Variants in RASEF observed in about 807,000 individuals in gnomAD.
RASEF encodes the protein ras and EF-hand domain-containing protein.
Under a neutral mutation model 90.1 loss-of-function variants are expected in RASEF, and 68 were observed. The observed-to-expected ratio is 0.75, with a 90% CI of 0.62 to 0.92. The LOEUF (loss-of-function observed/expected upper bound fraction) is 0.92, where lower values mean the gene tolerates loss of function less well. Ranked by LOEUF, RASEF falls within the 40% of genes least tolerant of loss-of-function variation. The probability of loss-of-function intolerance (pLI) is 0.00; values close to 1 mark genes in which losing one functional copy is unlikely to be tolerated. For synonymous variants in RASEF, 331 were observed against 345.2 expected (o/e 0.96, Z 0.46); for missense variants, 949 against 937.2 (o/e 1.01, Z -0.16).
the RASEF span, chr9:83,200,851 T>A: frequency 6.6e-6 from 1 of 152,252 alleles, no homozygotes; most frequent in African/African-American, 2.4e-5. Flanking sequence ...AAGGAAACAA[T>A]GCTGCATTGA....
Position 83,063,046 on chromosome 9 carries a change from T to C in RASEF, c.-179A>G. The C allele has an allele frequency of 1.6e-6, 1 of 641,678 alleles. No homozygotes were observed. The highest frequency in any genetic ancestry group is 2.7e-5 in the South Asian group (1 of 37,228). 39.7% of individuals were successfully genotyped at this position (641,678 alleles called of 1,614,324 possible). On this transcript the variant is annotated 5_prime_UTR_variant, in exon 1 of 17. Coordinates refer to ENST00000376447, the MANE Select transcript of RASEF (RefSeq NM_152573.4). ...GGAACGTCGGGGGTGGCCGAGCGGC[T>C]CCCTTCGACGACGGTTCGGGCCAGC...
the RASEF span, among the ~76,000 whole-genome samples, chr9:83,127,564 G>A: frequency 6.6e-6 from 1 of 152,188 alleles, no homozygotes; most frequent in Admixed American, 6.5e-5. Flanking sequence ...GCAAATGAAA[G>A]TGTCATGTAG....
the RASEF span, among the ~76,000 whole-genome samples, chr9:83,144,180 CAG>C: frequency 6.6e-6 from 1 of 151,420 alleles, no homozygotes; most frequent in Non-Finnish European, 1.5e-5. Flanking sequence ...AGGATGGGGA[CAG>C]GGGAAGGGAG....
At chr9:82,985,238 G>A (rs1587472698) in intron 16 of RASEF, among the ~76,000 whole-genome samples, 3 of 152,178 alleles carry the variant, frequency 2.0e-5, no homozygotes, top group African/African-American at 7.2e-5. Context: ...CGTAGCTGGG[G>A]AGGCCTCAGA....
the RASEF span, among the ~76,000 whole-genome samples, chr9:83,110,081 CA>C: frequency 6.6e-6 from 1 of 152,114 alleles, no homozygotes; most frequent in African/African-American, 2.4e-5. Context: ...ATTAAATGAC[CA>C]AAACTCCTGT....
At chr9:82,993,070 C>T in intron 14 of RASEF, 45 bp from the exon 15 acceptor site, 6 of 1,595,594 alleles carry the variant, frequency 3.8e-6, no homozygotes, top group Non-Finnish European at 4.3e-6. Flanking sequence ...AAACACTGGA[C>T]ACATTACGAT....
the RASEF span, among the ~76,000 whole-genome samples, chr9:83,176,479 A>G: frequency 2.0e-5 from 3 of 151,704 alleles, no homozygotes; most frequent in East Asian, 5.8e-4. Flanking sequence ...ATTTATCCAC[A>G]TTTTGTTTTC....
intron 3 of RASEF, among the ~76,000 whole-genome samples, chr9:83,019,225 A>G (rs1485867660): frequency 6.6e-6 from 1 of 152,176 alleles, no homozygotes; most frequent in African/African-American, 2.4e-5. Flanking sequence ...CTGATAAAAG[A>G]CTTGCATTCA....
the RASEF span, among the ~76,000 whole-genome samples, chr9:83,119,619 C>A: frequency 6.6e-6 from 1 of 152,074 alleles, no homozygotes; most frequent in Non-Finnish European, 1.5e-5. Context: ...TTTACACAGA[C>A]AACAGGACAA....
intron 1 of RASEF, among the ~76,000 whole-genome samples, chr9:83,040,989 T>C (rs1829829542): frequency 1.3e-5 from 2 of 152,184 alleles, no homozygotes; most frequent in African/African-American, 4.8e-5. Context: ...GCCTCCCAAG[T>C]GGCTGGGATT....
chr9:83,108,944 C>G, the RASEF span, among the ~76,000 whole-genome samples: 144 of 152,236 alleles, frequency 9.5e-4, no homozygotes, highest in African/African-American at 3.2e-3. Context: ...AGTCTAGTAC[C>G]AAGATAAACC....
At chr9:83,197,552 G>T in the RASEF span, among the ~76,000 whole-genome samples, 3 of 152,056 alleles carry the variant, frequency 2.0e-5, no homozygotes, top group Admixed American at 1.3e-4. Flanking sequence ...TTGAATGGCT[G>T]GTGCCATTCA....
At chr9:82,989,593 G>A (rs1587476022) in intron 16 of RASEF, among the ~76,000 whole-genome samples, 1 of 152,056 alleles carries the variant, frequency 6.6e-6, no homozygotes, top group Non-Finnish European at 1.5e-5. Context: ...AGCAGAAAAG[G>A]CCAATTATCA....
chr9:82,999,743 A>T (rs572431753), intron 12 of RASEF, among the ~76,000 whole-genome samples: 77 of 151,926 alleles, frequency 5.1e-4, no homozygotes, highest in Non-Finnish European at 8.8e-4. Context: ...TGCTGGGACA[A>T]CCAGCACCCA....
chr9:83,086,888 AC>A, the RASEF span, among the ~76,000 whole-genome samples: 1 of 152,142 alleles, frequency 6.6e-6, no homozygotes, highest in Non-Finnish European at 1.5e-5. Flanking sequence ...GAAGTGAGAT[AC>A]CTTCACTTCT....
At chr9:82,991,957 C>A (rs796567438) in intron 15 of RASEF, among the ~76,000 whole-genome samples, 1 of 152,166 alleles carries the variant, frequency 6.6e-6, no homozygotes, top group Non-Finnish European at 1.5e-5. Context: ...GCTCTTGGCC[C>A]AGCACACAAT....
intron 15 of RASEF, among the ~76,000 whole-genome samples, chr9:82,992,238 G>A (rs1828829558): frequency 6.6e-6 from 1 of 152,168 alleles, no homozygotes; most frequent in Non-Finnish European, 1.5e-5. Flanking sequence ...TTGACCCAAA[G>A]TGCATCTGAC....
At chr9:83,124,952 A>G in the RASEF span, among the ~76,000 whole-genome samples, 2 of 152,162 alleles carry the variant, frequency 1.3e-5, no homozygotes, top group African/African-American at 4.8e-5. Flanking sequence ...TTATGAAAAG[A>G]TTACAAACAG....
At chr9:83,008,173 T>A (rs73467563) in intron 6 of RASEF, among the ~76,000 whole-genome samples, 3,431 of 152,174 alleles carry the variant, frequency 0.023, 127 homozygotes, top group African/African-American at 0.077. Flanking sequence ...CCCCTGAGCA[T>A]ACAAACCTCA....
Sources: allele counts gnomAD v4.1 joint callset (sites outside exome capture counted in the v4.1 genomes callset), GRCh38; gene constraint gnomAD v4.1.1; transcripts MANE v1.5; gene names NCBI Gene and HGNC (gene_info 2026-07-23, HGNC 2026-07-21).